Variants in C13orf42 observed in about 807,000 individuals in gnomAD.
C13orf42 encodes the protein uncharacterized protein C13orf42.
At chr13:51,148,252 C>A (rs1953753686) in intron 1 of C13orf42, among the ~76,000 whole-genome samples, 2 of 152,266 alleles carry the variant, frequency 1.3e-5, no homozygotes. Context: ...TCCTTGGGCT[C>A]AGCCAAGCCT....
intron 1 of C13orf42, chr13:51,161,992 G>A: frequency 2.3e-6 from 1 of 428,972 alleles, no homozygotes; most frequent in East Asian, 6.3e-5. Context: ...TATAGATCTT[G>A]TCCATGCCAA....
chr13:51,151,299 A>T (rs561926012), intron 1 of C13orf42, among the ~76,000 whole-genome samples: 1 of 152,190 alleles, frequency 6.6e-6, no homozygotes, highest in East Asian at 1.9e-4. Flanking sequence ...GAGACTCAGC[A>T]CACCATTGCT....
At chr13:51,106,070 A>T (rs1953352508) in intron 1 of C13orf42, among the ~76,000 whole-genome samples, 1 of 152,254 alleles carries the variant, frequency 6.6e-6, no homozygotes, top group African/African-American at 2.4e-5. Flanking sequence ...TGTACTGAGA[A>T]GTGCAAAAGT....
chr13:51,125,617 G>C (rs1249010503), intron 1 of C13orf42, among the ~76,000 whole-genome samples: 2 of 152,220 alleles, frequency 1.3e-5, no homozygotes, highest in Non-Finnish European at 2.9e-5. Context: ...CTCAGTGCTT[G>C]TGAAGAATCA....
At chr13:51,170,304 G>A (rs1380550775) in intron 1 of C13orf42, among the ~76,000 whole-genome samples, 1 of 152,158 alleles carries the variant, frequency 6.6e-6, no homozygotes, top group Non-Finnish European at 1.5e-5. Context: ...TCTTCACACG[G>A]ACGCGCATGA....
chr13:51,135,887 T>C (rs968778947), intron 1 of C13orf42, among the ~76,000 whole-genome samples: 1 of 152,126 alleles, frequency 6.6e-6, no homozygotes, highest in East Asian at 1.9e-4. Context: ...ACCAAAAAAA[T>C]AGAAACAACT....
intron 2 of C13orf42, among the ~76,000 whole-genome samples, chr13:51,087,137 C>T (rs1427153935): frequency 2.6e-5 from 4 of 152,216 alleles, no homozygotes; most frequent in Non-Finnish European, 5.9e-5. Flanking sequence ...AACTGTCTGA[C>T]AGTCGCATGA....
At chr13:51,118,963 A>G (rs773510273) in intron 1 of C13orf42, among the ~76,000 whole-genome samples, 4 of 151,912 alleles carry the variant, frequency 2.6e-5, no homozygotes, top group African/African-American at 4.8e-5. Context: ...TGGTGTGCCC[A>G]GGCATACAGC....
intron 1 of C13orf42, among the ~76,000 whole-genome samples, chr13:51,106,970 T>C (rs1290663523): frequency 6.6e-6 from 1 of 152,246 alleles, no homozygotes; most frequent in Non-Finnish European, 1.5e-5. Flanking sequence ...ATTTCATTCA[T>C]TCATTTTTAT....
chr13:51,124,000 C>T (rs796312443), intron 1 of C13orf42, among the ~76,000 whole-genome samples: 4 of 152,120 alleles, frequency 2.6e-5, no homozygotes, highest in Admixed American at 6.6e-5. Flanking sequence ...GCCATTATTC[C>T]GGAGGTTATA....
chr13:51,084,901 G>A (rs1033233793), intron 3 of C13orf42, among the ~76,000 whole-genome samples: 5 of 152,174 alleles, frequency 3.3e-5, no homozygotes, highest in Non-Finnish European at 7.3e-5. Context: ...GAGCCTGCCC[G>A]GTGCATTTTA....
chr13:51,169,521 C>T (rs1953929106), intron 1 of C13orf42, among the ~76,000 whole-genome samples: 1 of 152,224 alleles, frequency 6.6e-6, no homozygotes, highest in Admixed American at 6.5e-5. Flanking sequence ...GGGAAAATGC[C>T]TCAAAGGCAT....
intron 1 of C13orf42, among the ~76,000 whole-genome samples, chr13:51,161,554 C>A (rs1258487827): frequency 6.6e-6 from 1 of 152,166 alleles, no homozygotes; most frequent in African/African-American, 2.4e-5. Context: ...ATCCCAGGAC[C>A]AGGTGTCAGA....
At chr13:51,093,076 AGTTTAT>A (rs1953197760) in intron 1 of C13orf42, among the ~76,000 whole-genome samples, 1 of 152,278 alleles carries the variant, frequency 6.6e-6, no homozygotes, top group Admixed American at 6.5e-5. Context: ...GGAAGTACCT[AGTTTAT>A]GTTCTATTTT....
At chr13:51,153,388 T>A (rs992688808) in intron 1 of C13orf42, among the ~76,000 whole-genome samples, 10 of 151,736 alleles carry the variant, frequency 6.6e-5, no homozygotes, top group Non-Finnish European at 1.3e-4. Flanking sequence ...ACTCACCCAA[T>A]GCCTATGCTT....
chr13:51,104,790 G>T (rs1167252800), intron 1 of C13orf42, among the ~76,000 whole-genome samples: 1 of 137,264 alleles, frequency 7.3e-6, no homozygotes, highest in Non-Finnish European at 1.6e-5. Flanking sequence ...AAAAAAAAAA[G>T]CCAAGCTAAG....
chr13:51,107,945 C>T (rs543515620), intron 1 of C13orf42, among the ~76,000 whole-genome samples: 1 of 152,190 alleles, frequency 6.6e-6, no homozygotes, highest in Non-Finnish European at 1.5e-5. Flanking sequence ...TAACAAAGCA[C>T]CACAAACTGG....
rs1206289963 is a variant in C13orf42, at chr13:51,153,630, C to CTTTTTTTTTTTTTTTTTTTTTTTTTTT, written n.136+18622_136+18623insAAAAAAAAAAAAAAAAAAAAAAAAAAA. 9.8e-5 allele frequency among the ~76,000 whole-genome samples: 8 copies of CTTTTTTTTTTTTTTTTTTTTTTTTTTT among 81,246 alleles called. 1 individual carries two copies. The highest frequency in any genetic ancestry group is 1.4e-4 in the Non-Finnish European group (6 of 41,574). 53.3% of individuals were successfully genotyped at this position (81,246 alleles called of 152,430 possible). Reference sequence around the variant, plus strand: ...CATTTTCTTGCTTTCTGTTTTTTTTCTTTTTTTTTTTTTTTTTTTTTTTTT... The same window carrying CTTTTTTTTTTTTTTTTTTTTTTTTTTT: ...CATTTTCTTGCTTTCTGTTTTTTTTCTTTTTTTTTTTTTTTTTTTTTTTTTTTTTTTTTTTTTTTTTTTTTTTTTTTT... On this transcript the variant is annotated intron_variant and non_coding_transcript_variant, in intron 1 of 4. Transcript: ENST00000433280.
intron 1 of C13orf42, among the ~76,000 whole-genome samples, chr13:51,154,601 C>T (rs183787028): frequency 4.0e-4 from 61 of 152,308 alleles, no homozygotes; most frequent in Non-Finnish European, 6.5e-4. Context: ...AGCAAGAGTG[C>T]TCACCCTCAA....
Sources: allele counts gnomAD v4.1 joint callset (sites outside exome capture counted in the v4.1 genomes callset), GRCh38; gene constraint gnomAD v4.1.1; transcripts MANE v1.5; gene names NCBI Gene and HGNC (gene_info 2026-07-23, HGNC 2026-07-21).